Variants in AKR1C1 observed in about 807,000 individuals in gnomAD.
AKR1C1 encodes the protein aldo-keto reductase family 1 member C1, also known as 20 alpha-hydroxysteroid dehydrogenase.
AKR1C1 carries 32 observed loss-of-function variants against 40.6 expected under a neutral mutation model. The observed-to-expected ratio is 0.79, with a 90% CI of 0.60 to 1.06. The LOEUF is 1.06. Among genes scored for constraint, AKR1C1 ranks in the 50% least tolerant of loss-of-function variants. The pLI, the probability that AKR1C1 is intolerant of heterozygous loss-of-function variation, is 0.00. For missense variants in AKR1C1, 320 were observed against 363.5 expected, an observed-to-expected ratio of 0.88 and a Z score of 0.97; for synonymous variants, 105 against 134.2, an observed-to-expected ratio of 0.78 and a Z score of 1.50.
intron 8 of AKR1C1, among the ~76,000 whole-genome samples, chr10:4,976,823 C>T (rs1350453873): frequency 4.6e-5 from 7 of 151,838 alleles, no homozygotes; most frequent in African/African-American, 1.5e-4. Flanking sequence ...ATCATAAGTA[C>T]CCAAAATTTG....
Position 4,963,965 on chromosome 10 carries a change from CACTGTAAT to C in AKR1C1, c.84+441_84+448del, listed in dbSNP as rs934114272. 62 of 743,348 alleles carry C rather than the reference CACTGTAAT, an allele frequency of 8.3e-5. No individual in the cohort carries two copies. The African/African-American group carries it at 9.0e-4, about 11-fold the overall frequency. 46.0% of individuals were successfully genotyped at this position (743,348 alleles called of 1,614,324 possible). Reference sequence around the variant, plus strand: ...TTCTGATGGGCGGCCTTGAGCACCACACTGTAATACTAGACCTGGCCTAAAGAGAATTT... The same window carrying C: ...TTCTGATGGGCGGCCTTGAGCACCACACTAGACCTGGCCTAAAGAGAATTT... On this transcript the variant is annotated intron_variant, in intron 1 of 8. Transcript: ENST00000380872.
At chr10:4,967,937 T>C (rs541509848) in intron 3 of AKR1C1, 1 of 184,084 alleles carries the variant, frequency 5.4e-6, no homozygotes, top group African/African-American at 2.4e-5. Context: ...AGAACTCTGA[T>C]AGTGGCACCT....
chr10:4,971,110 G>A (rs1484388020), intron 5 of AKR1C1, among the ~76,000 whole-genome samples: 15 of 151,824 alleles, frequency 9.9e-5, no homozygotes, highest in Non-Finnish European at 2.1e-4. Flanking sequence ...ATATGATTGA[G>A]TATACATCAG....
chr10:4,968,658 T>C (rs2961612), intron 4 of AKR1C1, among the ~76,000 whole-genome samples, 164 bp from the exon 5 acceptor site: 17,160 of 152,152 alleles, frequency 0.11, 1,793 homozygotes, highest in East Asian at 0.51. Flanking sequence ...CAGAAATACT[T>C]ACTCTTGCAA....
At chr10:4,969,687 T>A (rs2131643082) in intron 5 of AKR1C1, 3 of 1,611,850 alleles carry the variant, frequency 1.9e-6, no homozygotes, top group Non-Finnish European at 2.5e-6. Flanking sequence ...TAGAGATAAT[T>A]CCATCTTTTC....
At chr10:4,973,378 G>A (rs1457291174) in intron 7 of AKR1C1, among the ~76,000 whole-genome samples, 6 of 152,156 alleles carry the variant, frequency 3.9e-5, no homozygotes, top group South Asian at 4.1e-4. Flanking sequence ...GCTCTCATGT[G>A]TGTTCAGGGC....
intron 1 of AKR1C1, chr10:4,963,951 G>A (rs1448565121): frequency 2.4e-5 from 18 of 738,878 alleles, no homozygotes; most frequent in East Asian, 1.7e-4. Context: ...TCTGATGGGC[G>A]GCCTTGAGCA....
At chr10:4,974,047 G>C (rs1468824264) in intron 7 of AKR1C1, among the ~76,000 whole-genome samples, 2 of 151,218 alleles carry the variant, frequency 1.3e-5, no homozygotes, top group African/African-American at 4.8e-5. Flanking sequence ...CTGAAATAAT[G>C]ATACAGAGAA....
At chr10:4,968,069 A>T in intron 3 of AKR1C1, 1 of 704,324 alleles carries the variant, frequency 1.4e-6, no homozygotes, top group Non-Finnish European at 2.2e-6. Flanking sequence ...ATGACACTCC[A>T]TTAGGAACCA....
chr10:4,982,587 G>A lies in AKR1C1; in HGVS notation c.*4845G>A, dbSNP rs1484530194. 9 of 215,876 alleles carry A rather than the reference G, an allele frequency of 4.2e-5. No homozygotes were observed. Among genetic ancestry groups the A allele is most frequent in the Non-Finnish European group, 7.4e-5 (8 of 107,650 alleles). The allele number at this position is 215,876 out of a possible 1,614,324, so 13.4% of individuals were successfully genotyped here. On this transcript the variant is annotated 3_prime_UTR_variant, in exon 9 of 9. Coordinates refer to ENST00000380872, the MANE Select transcript of AKR1C1 (RefSeq NM_001353.6). ...TAGAGTGCAGACCCACCTAACCCTG[G>A]ACCCACTGGTGGTACCCATCCACCC...
chr10:4,967,253 G>C (rs1836348064), intron 3 of AKR1C1: 1 of 1,030,544 alleles, frequency 9.7e-7, no homozygotes, highest in African/African-American at 1.6e-5. Flanking sequence ...AGAAAGTGCA[G>C]AACTCTCAAA....
rs1588566993 is a variant in AKR1C1, at chr10:4,979,458, T to C, written c.*1716T>C. 6.6e-6 allele frequency: 1 copy of C among 152,198 alleles called. No homozygotes were observed. The highest frequency in any genetic ancestry group is 2.4e-5 in the African/African-American group (1 of 41,452). 9.4% of individuals were successfully genotyped at this position (152,198 alleles called of 1,614,324 possible). ...CATGTAAACCATGGCCATCCTGTTC[T>C]ACCTTAACTTTCTGAGTCTATGGAA... On this transcript the variant is annotated 3_prime_UTR_variant, in exon 9 of 9. Transcript: ENST00000380872.
rs191829504 is a variant in AKR1C1, at chr10:4,967,258, C to T, written c.369+215C>T. On this transcript the variant is annotated intron_variant, in intron 3 of 8. Coordinates refer to ENST00000380872, the MANE Select transcript of AKR1C1 (RefSeq NM_001353.6). ...CTATAAGAAAAGAAAGTGCAGAACT[C>T]TCAAAGCCTCTGCCTCAAAAACTTG... is the stretch of plus-strand genomic sequence containing the variant. 6.7e-4 allele frequency: 682 copies of T among 1,013,434 alleles called. 1 individual carries two copies. The highest frequency in any genetic ancestry group is 8.5e-4 in the Non-Finnish European group (644 of 760,510). The allele number at this position is 1,013,434 out of a possible 1,614,324, so 62.8% of individuals were successfully genotyped here.
chr10:4,982,844 G>T lies in AKR1C1; in HGVS notation c.*5102G>T. ...GAACTGTTCCCAGGAAGGAGAAAATGCCTGCATGAGCTCAGCTGTTACCAC... is the reference window on the plus strand; with the variant it reads ...GAACTGTTCCCAGGAAGGAGAAAATTCCTGCATGAGCTCAGCTGTTACCAC... On this transcript the variant is annotated 3_prime_UTR_variant, in exon 9 of 9. Transcript: ENST00000380872. 5.1e-6 allele frequency: 2 copies of T among 389,478 alleles called. No individual in the cohort carries two copies. Among genetic ancestry groups the T allele is most frequent in the South Asian group, 3.9e-5 (2 of 51,524 alleles). 24.1% of individuals were successfully genotyped at this position (389,478 alleles called of 1,614,324 possible).
intron 1 of AKR1C1, among the ~76,000 whole-genome samples, chr10:4,964,646 G>A (rs1341028759): frequency 1.3e-5 from 2 of 152,286 alleles, no homozygotes; most frequent in African/African-American, 4.8e-5. Flanking sequence ...TGTTACGTAA[G>A]TCAATAATTG....
At position 4,973,915 on chromosome 10, in the gene AKR1C1, TATC is replaced by T. The variant is rs536873909; in HGVS notation, c.846+1169_846+1171del. On this transcript the variant is annotated intron_variant, in intron 7 of 8. Coordinates refer to ENST00000380872, the MANE Select transcript of AKR1C1 (RefSeq NM_001353.6). ...ATTAGTTATATACAGATATATGAAATATCATATATGATATATATTATAAAACCT... is the reference window on the plus strand; with the variant it reads ...ATTAGTTATATACAGATATATGAAATATATATGATATATATTATAAAACCT... 5.9e-3 allele frequency among the ~76,000 whole-genome samples: 888 copies of T among 150,346 alleles called. 36 individuals are homozygous for T. Among genetic ancestry groups the T allele is most frequent in the Non-Finnish European group, 2.0e-3 (138 of 67,534 alleles).
In AKR1C1 at chr10:4,982,202, T is replaced by C. The variant is rs11252861; in HGVS notation, c.*4460T>C. 0.43 allele frequency: 65,721 copies of C among 151,988 alleles called. 14,688 individuals are homozygous for C. The highest frequency in any genetic ancestry group is 0.49 in the African/African-American group (20,095 of 41,382). The allele number at this position is 151,988 out of a possible 1,614,324, so 9.4% of individuals were successfully genotyped here. ...CTGTGATAAGGAATGCTGAAAACGG[T>C]CTCCTGAGAATGCGGTTTGAGTGCT... On this transcript the variant is annotated 3_prime_UTR_variant, in exon 9 of 9. Transcript: ENST00000380872.
rs1836344200 is a variant in AKR1C1, at chr10:4,967,007, T to G, written c.333T>G (p.Val111=). 6.2e-7 allele frequency: 1 copy of G among 1,613,844 alleles called. No homozygotes were observed. Among genetic ancestry groups the G allele is most frequent in the Non-Finnish European group, 8.5e-7 (1 of 1,179,838 alleles). ...TGAAAAATCTTCAATTGGATTATGTTGACCTCTACCTTATTCATTTTCCAG... is the reference window on the plus strand; with the variant it reads ...TGAAAAATCTTCAATTGGATTATGTGGACCTCTACCTTATTCATTTTCCAG... The part of the protein sequence containing the change: ...RSLKNLQLDY[V]DLYLIHFPVS... Residue 111 remains valine (V), a synonymous_variant, in exon 3 of 9, where the codon GTT becomes GTG. Transcript: ENST00000380872.
At position 4,977,910 on chromosome 10, in the gene AKR1C1, ATTTTG is replaced by A. The variant is rs1485886100; in HGVS notation, c.*173_*177del. On this transcript the variant is annotated 3_prime_UTR_variant, in exon 9 of 9. Coordinates refer to ENST00000380872, the MANE Select transcript of AKR1C1 (RefSeq NM_001353.6). ...CATTGGCCAGAAAGGAAAGACAATA[ATTTTG>A]TTTTTTCATTTTGAAAAAATTAAAT... is the stretch of plus-strand genomic sequence containing the variant. The A allele has an allele frequency of 6.4e-6, 7 of 1,098,010 alleles. No individual in the cohort carries two copies. Among genetic ancestry groups the A allele is most frequent in the Non-Finnish European group, 9.0e-6 (7 of 779,588 alleles). The allele number at this position is 1,098,010 out of a possible 1,614,324, so 68.0% of individuals were successfully genotyped here. A position where few individuals can be genotyped will look rare whatever the true frequency, so the allele number is the denominator to read the frequency against.
Sources: allele counts gnomAD v4.1 joint callset (sites outside exome capture counted in the v4.1 genomes callset), GRCh38; gene constraint gnomAD v4.1.1; transcripts MANE v1.5; gene names NCBI Gene and HGNC (gene_info 2026-07-23, HGNC 2026-07-21).